HTRA1: variants seen among roughly 807,000 people sequenced by gnomAD.
HTRA1 encodes the protein HtrA serine peptidase 1.
In HTRA1, 26 loss-of-function variants were observed where a neutral mutation model predicts 49.7. That is an observed-to-expected ratio of 0.52 (90% confidence interval 0.38 to 0.73). The LOEUF (loss-of-function observed/expected upper bound fraction) is 0.73. HTRA1 is among the 30% of genes least tolerant of loss of function. HTRA1 has a pLI of 0.00. For synonymous variants in HTRA1, 291 were observed against 286.9 expected (o/e 1.01, Z -0.14); for missense variants, 561 against 667.2 (o/e 0.84, Z 1.75).
At chr10:122,493,714 T>C (rs2097497007) in intron 3 of HTRA1, among the ~76,000 whole-genome samples, 2 of 152,208 alleles carry the variant, frequency 1.3e-5, no homozygotes, top group African/African-American at 4.8e-5. Flanking sequence ...AATCATGTCC[T>C]TCCCATCTTA....
chr10:122,508,520 G>T, intron 5 of HTRA1, 136 bp from the exon 6 acceptor site: 2 of 751,194 alleles, frequency 2.7e-6, no homozygotes, highest in Non-Finnish European at 2.5e-6. Flanking sequence ...CTGCTGCCAC[G>T]GGGATCCCCT....
chr10:122,488,811 G>A (rs2097494323), intron 1 of HTRA1, 91 bp from the exon 2 acceptor site: 1 of 984,402 alleles, frequency 1.0e-6, no homozygotes, highest in Non-Finnish European at 1.6e-6. Flanking sequence ...CAAAGGCTGG[G>A]CATGCATCTT....
Position 122,514,187 on chromosome 10 carries a change from G to A in HTRA1, c.1275-4G>A, listed in dbSNP as rs2097506899. 6.2e-7 allele frequency: 1 copy of A among 1,613,570 alleles called. No homozygotes were observed. Among genetic ancestry groups the A allele is most frequent in the Non-Finnish European group, 8.5e-7 (1 of 1,179,782 alleles). On this transcript the variant is annotated splice_region_variant and splice_polypyrimidine_tract_variant and intron_variant, in intron 8 of 8. Transcript: ENST00000368984. ...TTGCCATTGTGTTTCCCTTTGTGTT[G>A]CAGTGGTGGTCTCAAGGAAAACGAC...
Position 122,482,979 on chromosome 10 carries a change from C to T in HTRA1, c.473-5923C>T, listed in dbSNP as rs147034125. Among the ~76,000 whole-genome samples, 911 of 134,322 alleles carry T rather than the reference C, an allele frequency of 6.8e-3. 3 individuals are homozygous for T. Among genetic ancestry groups the T allele is most frequent in the Non-Finnish European group, 0.01 (638 of 62,678 alleles). The allele number at this position is 134,322 out of a possible 152,430, so 88.1% of individuals were successfully genotyped here. ...TTTGTGCTTATTCTTTTGAGAGAAA[C>T]ACAGATAAAAGCCTATCCTTTAATT... is the stretch of plus-strand genomic sequence containing the variant. On this transcript the variant is annotated intron_variant, in intron 1 of 8. Coordinates refer to ENST00000368984, the MANE Select transcript of HTRA1 (RefSeq NM_002775.5).
At chr10:122,493,946 C>T (rs575242099) in intron 3 of HTRA1, among the ~76,000 whole-genome samples, 4 of 152,040 alleles carry the variant, frequency 2.6e-5, no homozygotes, top group Non-Finnish European at 5.9e-5. Context: ...CTGTTCCCCT[C>T]CCAGGAGCGC....
chr10:122,500,643 C>T (rs2268355), intron 3 of HTRA1, among the ~76,000 whole-genome samples: 2,742 of 152,266 alleles, frequency 0.018, 75 homozygotes, highest in East Asian at 0.14. Flanking sequence ...TGCATATACA[C>T]ATAGGTGTTT....
rs1435531631 is a variant in HTRA1 at position 122,461,779 on chromosome 10, C to T, written c.127C>T (p.Pro43Ser). 3.8e-6 allele frequency: 4 copies of T among 1,050,816 alleles called. No individual in the cohort carries two copies. Among genetic ancestry groups the T allele is most frequent in the Admixed American group, 5.4e-5 (1 of 18,676 alleles). The allele number at this position is 1,050,816 out of a possible 1,614,324, so 65.1% of individuals were successfully genotyped here. ...LAAGCPDRCE[P>S]ARCPPQPEHC... is the part of the protein sequence containing the mutation. Reference sequence around the variant, plus strand: ...CGCCGGGTGCCCAGACCGCTGCGAGCCGGCGCGCTGCCCGCCGCAGCCGGA... The same window carrying T: ...CGCCGGGTGCCCAGACCGCTGCGAGTCGGCGCGCTGCCCGCCGCAGCCGGA... The change falls in exon 1 of 9, where the codon CCG (proline) becomes TCG (serine). Residue 43 changes from proline to serine, a missense_variant. Pro to Ser is a moderately conservative substitution (Grantham distance 74, BLOSUM62 -1). Coordinates refer to ENST00000368984, the MANE Select transcript of HTRA1 (RefSeq NM_002775.5).
rs182631142 is a variant in HTRA1 at position 122,490,084 on chromosome 10, A to T, written c.777+458A>T. Among the ~76,000 whole-genome samples the T allele has an allele frequency of 1.1e-3, 169 of 152,252 alleles. No homozygotes were observed. Among genetic ancestry groups the T allele is most frequent in the Admixed American group, 3.0e-3 (46 of 15,302 alleles). On this transcript the variant is annotated intron_variant, in intron 3 of 8. Coordinates refer to ENST00000368984, the MANE Select transcript of HTRA1 (RefSeq NM_002775.5). The surrounding 1 kb of genome is among the most constrained non-coding windows in gnomAD (Gnocchi z 4.2). Reference sequence around the variant, plus strand: ...CTTTGAAAACAAACCAGCTCTCCCAAATTGGGGTTTTGCGGGGTTATGAGA... The same window carrying T: ...CTTTGAAAACAAACCAGCTCTCCCATATTGGGGTTTTGCGGGGTTATGAGA...
chr10:122,482,510 G>T (rs1399429788), intron 1 of HTRA1, among the ~76,000 whole-genome samples: 1 of 152,100 alleles, frequency 6.6e-6, no homozygotes, highest in Non-Finnish European at 1.5e-5. Context: ...CACACTATGG[G>T]AACCATGGGA....
intron 1 of HTRA1, among the ~76,000 whole-genome samples, chr10:122,468,195 C>T (rs968172096): frequency 2.0e-5 from 3 of 152,128 alleles, no homozygotes; most frequent in African/African-American, 4.8e-5. Context: ...CTTCTGAAGT[C>T]GGATTGCCAT....
intron 3 of HTRA1, among the ~76,000 whole-genome samples, chr10:122,503,879 A>G (rs2097501940): frequency 6.6e-6 from 1 of 152,180 alleles, no homozygotes. Flanking sequence ...AAACGAGATG[A>G]TCACTGGTGG....
chr10:122,490,526 G>A lies in HTRA1; in HGVS notation c.777+900G>A, dbSNP rs192597068. Among the ~76,000 whole-genome samples, 60 of 152,238 alleles carry A rather than the reference G, an allele frequency of 3.9e-4. No homozygotes were observed. The East Asian group carries it at 7.0e-3, about 18-fold the overall frequency. ...GCTGTGTGGCATGTTCAGTGAAAGC[G>A]TGGTTTCCAGTTTCTTCACATCCTT... is the stretch of plus-strand genomic sequence containing the variant. On this transcript the variant is annotated intron_variant, in intron 3 of 8. Transcript: ENST00000368984. This position sits in a 1 kb window ranked among gnomAD's most constrained non-coding sequence, Gnocchi z 4.2.
At chr10:122,470,477 T>C (rs952028404) in intron 1 of HTRA1, among the ~76,000 whole-genome samples, 12 of 152,008 alleles carry the variant, frequency 7.9e-5, no homozygotes, top group African/African-American at 2.9e-4. Flanking sequence ...CAATTCCTAA[T>C]GCTTCAGTGC....
At chr10:122,479,921 G>A (rs11200647) in intron 1 of HTRA1, among the ~76,000 whole-genome samples, 63,659 of 151,978 alleles carry the variant, frequency 0.42, 14,927 homozygotes, top group East Asian at 0.75. Flanking sequence ...GGAAGCTTCA[G>A]AAGCTTGAGA....
intron 1 of HTRA1, among the ~76,000 whole-genome samples, chr10:122,481,632 C>T (rs2097491037): frequency 1.3e-5 from 2 of 152,206 alleles, no homozygotes; most frequent in African/African-American, 4.8e-5. Context: ...GGCAGAGGTT[C>T]CCAAACTGTC....
intron 5 of HTRA1, among the ~76,000 whole-genome samples, chr10:122,508,186 G>A (rs1054092637): frequency 2.3e-4 from 35 of 152,294 alleles, no homozygotes; most frequent in African/African-American, 7.5e-4. Flanking sequence ...GCCTCCCCGC[G>A]CAGCACTTGG....
rs886718667 is a variant in HTRA1 at position 122,464,167 on chromosome 10, G to C, written c.472+2043G>C. Reference sequence around the variant, plus strand: ...TGTTTTTGTCCAAAACAAGCCAGCTGTTACTGGTCTCGCTGTTTGTGGTCT... The same window carrying C: ...TGTTTTTGTCCAAAACAAGCCAGCTCTTACTGGTCTCGCTGTTTGTGGTCT... On this transcript the variant is annotated intron_variant, in intron 1 of 8. Transcript: ENST00000368984. This position sits in a 1 kb window ranked among gnomAD's most constrained non-coding sequence, Gnocchi z 4.8. Among the ~76,000 whole-genome samples the C allele has an allele frequency of 6.6e-6, 1 of 152,196 alleles. No individual in the cohort carries two copies. Among genetic ancestry groups the C allele is most frequent in the Non-Finnish European group, 1.5e-5 (1 of 68,026 alleles).
intron 6 of HTRA1, among the ~76,000 whole-genome samples, chr10:122,509,317 G>A (rs1484510016): frequency 1.3e-5 from 2 of 152,186 alleles, no homozygotes; most frequent in Non-Finnish European, 2.9e-5. Context: ...CCAAGAAAAC[G>A]GATCAGGGTG....
intron 2 of HTRA1, 119 bp downstream of exon 2, chr10:122,489,120 T>G: frequency 1.3e-6 from 1 of 781,582 alleles, no homozygotes; most frequent in Non-Finnish European, 2.3e-6. Context: ...TCTTCCTACT[T>G]AAGATAAGTG....
Sources: allele counts gnomAD v4.1 joint callset (sites outside exome capture counted in the v4.1 genomes callset), GRCh38; gene constraint gnomAD v4.1.1; non-coding constraint Gnocchi (gnomAD v3.1); transcripts MANE v1.5; gene names NCBI Gene and HGNC (gene_info 2026-07-23, HGNC 2026-07-21).